The following PTPRN2 variants were observed in gnomAD, a reference collection of about 807,000 sequenced individuals.
PTPRN2 encodes the protein receptor-type tyrosine-protein phosphatase N2.
In PTPRN2, 74 loss-of-function variants were observed where a neutral mutation model predicts 118.8. The ratio of observed to expected loss-of-function variants is 0.62; its 90% CI spans 0.52 to 0.76. The LOEUF (loss-of-function observed/expected upper bound fraction) is 0.76, where lower values mean the gene tolerates loss of function less well. Among genes scored for constraint, PTPRN2 ranks in the 30% least tolerant of loss-of-function variants. PTPRN2 has a pLI of 0.00. For synonymous variants in PTPRN2, 641 were observed against 608.0 expected (o/e 1.05, Z -0.80); for missense variants, 1,481 against 1,394.4 (o/e 1.06, Z -0.99).
chr7:158,402,564 AC>A (rs1813028893), intron 2 of PTPRN2, among the ~76,000 whole-genome samples: 2 of 152,022 alleles, frequency 1.3e-5, no homozygotes, highest in South Asian at 4.2e-4. Flanking sequence ...CCAGGGGCTT[AC>A]TCCATATTTG....
chr7:158,340,757 C>A (rs953271627), intron 2 of PTPRN2, among the ~76,000 whole-genome samples: 1 of 83,722 alleles, frequency 1.2e-5, no homozygotes, highest in African/African-American at 4.9e-5. Context: ...AGACGTCACA[C>A]ACACCCACAC....
rs181789859 is a variant in PTPRN2, at chr7:157,771,772, G to A, written c.1789-88835C>T. 2.0e-3 allele frequency among the ~76,000 whole-genome samples: 256 copies of A among 127,304 alleles called. 2 individuals carry two copies. Among genetic ancestry groups the A allele is most frequent in the African/African-American group, 1.0e-2 (248 of 24,838 alleles). The allele number at this position is 127,304 out of a possible 152,430, so 83.5% of individuals were successfully genotyped here. On this transcript the variant is annotated intron_variant, in intron 12 of 22. Transcript: ENST00000389418. Reference sequence around the variant, plus strand: ...ACAGACACAAACAGACACACATGCAGACACAGACACACACTCACAGACACA... The same window carrying A: ...ACAGACACAAACAGACACACATGCAAACACAGACACACACTCACAGACACA...
chr7:157,771,570 GC>G (rs1418828943), intron 12 of PTPRN2, among the ~76,000 whole-genome samples: 9 of 152,208 alleles, frequency 5.9e-5, no homozygotes, highest in African/African-American at 1.9e-4. Context: ...CCCTCAGGGA[GC>G]TTACAACTGA....
intron 12 of PTPRN2, among the ~76,000 whole-genome samples, chr7:157,774,840 G>C (rs977793746): frequency 6.6e-6 from 1 of 152,102 alleles, no homozygotes; most frequent in Non-Finnish European, 1.5e-5. Flanking sequence ...CCAGTCCGAC[G>C]GGGGAGGCTT....
At chr7:158,223,737 A>G (rs1828539948) in intron 3 of PTPRN2, among the ~76,000 whole-genome samples, 1 of 152,194 alleles carries the variant, frequency 6.6e-6, no homozygotes. Context: ...AAAAGCTTTC[A>G]CTGAAGACTA....
At chr7:157,945,938 C>A (rs966461775) in intron 11 of PTPRN2, among the ~76,000 whole-genome samples, 1 of 152,106 alleles carries the variant, frequency 6.6e-6, no homozygotes, top group Non-Finnish European at 1.5e-5. Flanking sequence ...ACATCCCTAC[C>A]CTGCTTGCTG....
At chr7:158,313,734 A>G (rs941393571) in intron 3 of PTPRN2, among the ~76,000 whole-genome samples, 1 of 152,214 alleles carries the variant, frequency 6.6e-6, no homozygotes, top group Non-Finnish European at 1.5e-5. Context: ...TTTCTCTGAG[A>G]TGGTTTTCCT....
chr7:158,071,713 TG>T (rs1230529705), intron 11 of PTPRN2, among the ~76,000 whole-genome samples: 3 of 125,714 alleles, frequency 2.4e-5, no homozygotes, highest in African/African-American at 3.1e-5. Flanking sequence ...GAGGTGCTCC[TG>T]GTGGTGGAGG....
chr7:158,095,009 T>C (rs1814517809), intron 10 of PTPRN2, among the ~76,000 whole-genome samples: 1 of 152,114 alleles, frequency 6.6e-6, no homozygotes, highest in South Asian at 2.1e-4. Flanking sequence ...TAACGCACAC[T>C]CATGGGCCAG....
At chr7:158,445,453 G>A (rs185368351) in intron 2 of PTPRN2, among the ~76,000 whole-genome samples, 53 of 152,240 alleles carry the variant, frequency 3.5e-4, no homozygotes, top group Admixed American at 1.4e-3. Context: ...GAGTGCAGGC[G>A]CCAGAAACCC....
chr7:157,985,434 A>G (rs985779186), intron 11 of PTPRN2, among the ~76,000 whole-genome samples: 1 of 152,222 alleles, frequency 6.6e-6, no homozygotes, highest in Non-Finnish European at 1.5e-5. Flanking sequence ...GCCGTCAGAC[A>G]GTCATCCTGG....
intron 11 of PTPRN2, among the ~76,000 whole-genome samples, chr7:158,073,577 G>A (rs1391179423): frequency 6.6e-6 from 1 of 152,188 alleles, no homozygotes; most frequent in African/African-American, 2.4e-5. Flanking sequence ...TTTCTATGCG[G>A]AGATGAAGCC....
chr7:158,448,192 A>C (rs112603253), intron 2 of PTPRN2, among the ~76,000 whole-genome samples: 144 of 152,364 alleles, frequency 9.5e-4, no homozygotes, highest in African/African-American at 3.3e-3. Flanking sequence ...AGTGGCCCAG[A>C]CACAGGAGCA....
At chr7:158,399,943 G>C (rs1287606164) in intron 2 of PTPRN2, among the ~76,000 whole-genome samples, 2 of 152,188 alleles carry the variant, frequency 1.3e-5, no homozygotes, top group Non-Finnish European at 2.9e-5. Flanking sequence ...AGGGAGCGAA[G>C]CTGGGAGGGG....
At chr7:158,293,706 A>G (rs1000559151) in intron 3 of PTPRN2, among the ~76,000 whole-genome samples, 3 of 152,000 alleles carry the variant, frequency 2.0e-5, no homozygotes, top group Non-Finnish European at 4.4e-5. Flanking sequence ...TCCTTATTCT[A>G]TAAGCTTTTT....
intron 12 of PTPRN2, among the ~76,000 whole-genome samples, chr7:157,832,773 A>C (rs1807651883): frequency 6.6e-6 from 1 of 152,254 alleles, no homozygotes; most frequent in African/African-American, 2.4e-5. Flanking sequence ...TTGGCCCAAA[A>C]TATTTCAGTA....
intron 11 of PTPRN2, among the ~76,000 whole-genome samples, chr7:157,934,407 C>T (rs181322670): frequency 1.1e-4 from 17 of 152,324 alleles, no homozygotes; most frequent in African/African-American, 3.6e-4. Context: ...ATCTTTTATG[C>T]GCCTTCAACA....
At chr7:158,150,292 A>G (rs915600347) in intron 6 of PTPRN2, among the ~76,000 whole-genome samples, 1 of 152,226 alleles carries the variant, frequency 6.6e-6, no homozygotes, top group Admixed American at 6.5e-5. Flanking sequence ...TGTTTCTGCT[A>G]AAGGCTAACG....
rs531920878 is a variant in PTPRN2, at chr7:158,273,758, CACAG to C, written c.277+43057_277+43060del. The stretch of plus-strand genomic sequence containing the variant: ...AAGGAGCCGCAGACACAGGGGGAGC[CACAG>C]ACAGACATGGGAGGAGCCGCAGACA... On this transcript the variant is annotated intron_variant, in intron 3 of 22. Transcript: ENST00000389418. Among the ~76,000 whole-genome samples the C allele has an allele frequency of 6.8e-3, 806 of 118,210 alleles. 18 individuals are homozygous for C. Among genetic ancestry groups the C allele is most frequent in the African/African-American group, 0.026 (767 of 29,436 alleles). 77.6% of individuals were successfully genotyped at this position (118,210 alleles called of 152,430 possible). A position where few individuals can be genotyped will look rare whatever the true frequency, so the allele number is the denominator to read the frequency against.
Sources: allele counts gnomAD v4.1 joint callset (sites outside exome capture counted in the v4.1 genomes callset), GRCh38; gene constraint gnomAD v4.1.1; transcripts MANE v1.5; gene names NCBI Gene and HGNC (gene_info 2026-07-23, HGNC 2026-07-21).